TRPC4AP: variants seen among roughly 807,000 people sequenced by gnomAD.
TRPC4AP encodes short transient receptor potential channel 4-associated protein.
TRPC4AP carries 45 observed loss-of-function variants against 99.0 expected under a neutral mutation model. The observed-to-expected ratio is 0.45, with a 90% confidence interval of 0.36 to 0.58. The LOEUF (loss-of-function observed/expected upper bound fraction) is 0.58. Among genes scored for constraint, TRPC4AP ranks in the 20% least tolerant of loss-of-function variants. The pLI is 0.00. For synonymous variants in TRPC4AP, 408 were observed against 385.8 expected, an observed-to-expected ratio of 1.06 and a Z score of -0.67; for missense variants, 879 against 985.3, an observed-to-expected ratio of 0.89 and a Z score of 1.44.
chr20:35,042,938 T>C (rs2083472888), intron 7 of TRPC4AP, among the ~76,000 whole-genome samples: 1 of 152,238 alleles, frequency 6.6e-6, no homozygotes, highest in Non-Finnish European at 1.5e-5. Flanking sequence ...CTACTTCCTA[T>C]TAATAACCAC....
intron 2 of TRPC4AP, among the ~76,000 whole-genome samples, chr20:35,070,649 C>T (rs181799736): frequency 3.3e-4 from 50 of 152,336 alleles, no homozygotes; most frequent in Non-Finnish European, 5.9e-4. Flanking sequence ...CCACCCGCCT[C>T]GGCCTCCCAG....
intron 7 of TRPC4AP, 73 bp downstream of exon 7, chr20:35,044,427 AAAAAG>A (rs2083511885): frequency 3.6e-6 from 5 of 1,391,810 alleles, no homozygotes; most frequent in Non-Finnish European, 4.9e-6. Context: ...AAAAGAAAAG[AAAAAG>A]AAAAAAAACT....
intron 1 of TRPC4AP, among the ~76,000 whole-genome samples, chr20:35,083,668 A>T (rs2084713212): frequency 6.6e-6 from 1 of 151,690 alleles, no homozygotes; most frequent in Non-Finnish European, 1.5e-5. Flanking sequence ...ACCCAGTCAA[A>T]CTAAATATAT....
In TRPC4AP at chr20:35,033,961, A is replaced by G. The variant is rs1197751423; in HGVS notation, c.1051+1162T>C. On this transcript the variant is annotated intron_variant, in intron 8 of 18. Coordinates refer to ENST00000252015, the MANE Select transcript of TRPC4AP (RefSeq NM_015638.3). ...GAGATCGAGACCATCCTGGCTAACA[A>G]GGTGAAACCCCGTCTCTACTAAAAA... Among the ~76,000 whole-genome samples the G allele has an allele frequency of 2.0e-4, 6 of 29,450 alleles. 3 individuals are homozygous for G. The highest frequency in any genetic ancestry group is 4.1e-4 in the African/African-American group (4 of 9,696). The allele number at this position is 29,450 out of a possible 152,430, so 19.3% of individuals were successfully genotyped here.
intron 8 of TRPC4AP, among the ~76,000 whole-genome samples, chr20:35,023,299 C>G (rs535854365): frequency 6.6e-6 from 1 of 152,272 alleles, no homozygotes; most frequent in South Asian, 2.1e-4. Flanking sequence ...ATACTGACAA[C>G]CATACCTACC....
chr20:35,064,856 AATAG>A (rs555408045), intron 3 of TRPC4AP, among the ~76,000 whole-genome samples: 8 of 152,358 alleles, frequency 5.3e-5, no homozygotes, highest in East Asian at 3.9e-4. Context: ...AATTCAACAA[AATAG>A]ATAGAATAAC....
Position 35,057,543 on chromosome 20 carries a change from G to A in TRPC4AP, c.443C>T (p.Thr148Met), listed in dbSNP as rs144708101. 2.1e-4 allele frequency: 338 copies of A among 1,611,906 alleles called. No individual in the cohort carries two copies. The African/African-American group carries it at 3.7e-3, about 18-fold the overall frequency. The stretch of plus-strand genomic sequence containing the variant: ...CAGTTTCTGTCCCCGGATAGAGATC[G>A]TAGGCCTCATAAGAATTTCTACAAG... ...DLLVEILMRPTISIRGQKLKI... is the reference protein window; with the variant it reads ...DLLVEILMRPMISIRGQKLKI... The change falls in exon 4 of 19, where the codon ACG becomes ATG. Residue 148 changes from threonine (T) to methionine (M), a missense_variant. By Grantham distance (81) the Thr-to-Met change is moderately conservative. Coordinates refer to ENST00000252015, the MANE Select transcript of TRPC4AP (RefSeq NM_015638.3).
intron 2 of TRPC4AP, among the ~76,000 whole-genome samples, chr20:35,072,866 C>T (rs2084357486): frequency 6.6e-6 from 1 of 152,132 alleles, no homozygotes; most frequent in South Asian, 2.1e-4. Context: ...CTATCAATTA[C>T]CTCGGGCAAT....
At chr20:35,041,719 T>C (rs2083449854) in intron 7 of TRPC4AP, among the ~76,000 whole-genome samples, 1 of 152,176 alleles carries the variant, frequency 6.6e-6, no homozygotes, top group Admixed American at 6.6e-5. Context: ...ATCAAAATCA[T>C]CTGCCAGAAT....
intron 5 of TRPC4AP, among the ~76,000 whole-genome samples, chr20:35,051,209 T>C (rs2083692305): frequency 6.6e-6 from 1 of 151,942 alleles, no homozygotes; most frequent in Non-Finnish European, 1.5e-5. Context: ...TAATCAAGAG[T>C]GCAGACACAC....
chr20:35,053,564 G>A (rs6142284), intron 5 of TRPC4AP, among the ~76,000 whole-genome samples: 60,198 of 151,936 alleles, frequency 0.4, 13,053 homozygotes, highest in East Asian at 0.59. Flanking sequence ...AGATCTCCCT[G>A]TGCCTATCTC....
chr20:35,073,373 C>T (rs2084376931), intron 2 of TRPC4AP, among the ~76,000 whole-genome samples: 2 of 152,172 alleles, frequency 1.3e-5, no homozygotes, highest in Admixed American at 6.5e-5. Flanking sequence ...AAAGGGAATG[C>T]TTCCAGTTTT....
intron 2 of TRPC4AP, among the ~76,000 whole-genome samples, chr20:35,073,182 C>A (rs753663423): frequency 2.0e-5 from 3 of 152,292 alleles, no homozygotes; most frequent in Middle Eastern, 3.4e-3. Context: ...TGGGCTGAGA[C>A]AATGGGGTTT....
chr20:35,060,084 T>C (rs2083958171), intron 3 of TRPC4AP, among the ~76,000 whole-genome samples: 2 of 151,830 alleles, frequency 1.3e-5, no homozygotes, highest in Admixed American at 1.3e-4. Flanking sequence ...TGGTGAACAA[T>C]ACAAGACATT....
intron 1 of TRPC4AP, among the ~76,000 whole-genome samples, chr20:35,090,429 T>G (rs1600682089): frequency 7.8e-6 from 1 of 127,972 alleles, no homozygotes; most frequent in East Asian, 2.5e-4. Context: ...CAGGCTGGAG[T>G]GCAGTGGCGT....
At chr20:35,020,212 G>A (rs1001122967) in intron 9 of TRPC4AP, among the ~76,000 whole-genome samples, 8 of 152,058 alleles carry the variant, frequency 5.3e-5, no homozygotes, top group African/African-American at 1.7e-4. Flanking sequence ...CTATTATGAG[G>A]GCCCCTAATG....
chr20:35,024,224 A>G (rs1430333464), intron 8 of TRPC4AP, among the ~76,000 whole-genome samples: 2 of 151,774 alleles, frequency 1.3e-5, no homozygotes, highest in African/African-American at 4.8e-5. Flanking sequence ...TAGGACATTC[A>G]TAGAGTTGTG....
At chr20:35,025,510 T>C (rs933809647) in intron 8 of TRPC4AP, among the ~76,000 whole-genome samples, 1 of 152,254 alleles carries the variant, frequency 6.6e-6, no homozygotes, top group South Asian at 2.1e-4. Context: ...TGACGGCTAA[T>C]GATGGTGAAC....
intron 7 of TRPC4AP, 105 bp downstream of exon 7, chr20:35,044,400 G>GAAAAAAAA (rs11483863): frequency 4.5e-6 from 4 of 880,908 alleles, no homozygotes; most frequent in South Asian, 3.9e-5. Flanking sequence ...CTCAAAAAAG[G>GAAAAAAAA]AAAAAAAAAA....
Sources: gnomAD v4.1 joint callset for allele counts (sites outside exome capture counted in the v4.1 genomes callset) on GRCh38, gnomAD v4.1.1 for gene constraint, MANE v1.5 for transcripts, NCBI Gene and HGNC (gene_info 2026-07-23, HGNC 2026-07-21) for gene names.